EDNRB: variants seen among roughly 807,000 people sequenced by gnomAD.
EDNRB encodes the protein Hirschsprung disease 2.
Under a neutral mutation model 46.4 loss-of-function variants are expected in EDNRB, and 18 were observed. The observed-to-expected ratio is 0.39, with a 90% confidence interval of 0.27 to 0.57. EDNRB has a LOEUF of 0.57. Among genes scored for constraint, EDNRB ranks in the 20% least tolerant of loss-of-function variants. The pLI, the probability that EDNRB is intolerant of heterozygous loss-of-function variation, is 0.61. For missense variants in EDNRB, 434 were observed against 537.5 expected (o/e 0.81, Z 1.90); for synonymous variants, 213 against 204.9 (o/e 1.04, Z -0.34).
chr13:77,896,215 A>G lies in EDNRB; in HGVS notation c.*1985T>C, dbSNP rs4885491. ...CATGATACTGACATGGAGAAGGAAA[A>G]GGTATCAGGATGTAAAAATTCAGTA... On this transcript the variant is annotated 3_prime_UTR_variant, in exon 7 of 7. Coordinates refer to ENST00000646607, the MANE Select transcript of EDNRB (RefSeq NM_001122659.3). 0.89 allele frequency: 217,240 copies of G among 242,920 alleles called. 97,219 individuals are homozygous for G. Among genetic ancestry groups the G allele is most frequent in the East Asian group, 0.98 (10,279 of 10,480 alleles). 15.0% of individuals were successfully genotyped at this position (242,920 alleles called of 1,614,324 possible).
chr13:77,946,962 A>G (rs1385482366), intron 1 of EDNRB, among the ~76,000 whole-genome samples: 1 of 152,214 alleles, frequency 6.6e-6, no homozygotes, highest in Non-Finnish European at 1.5e-5. Flanking sequence ...AAAATTTCAA[A>G]CAAGTCCTAT....
Position 77,897,395 on chromosome 13 carries a change from G to T in EDNRB, c.*805C>A. The T allele has an allele frequency of 2.0e-6, 2 of 985,232 alleles. No individual in the cohort carries two copies. Among genetic ancestry groups the T allele is most frequent in the Non-Finnish European group, 1.2e-6 (1 of 829,830 alleles). The allele number at this position is 985,232 out of a possible 1,614,324, so 61.0% of individuals were successfully genotyped here. On this transcript the variant is annotated 3_prime_UTR_variant, in exon 7 of 7. Transcript: ENST00000646607. Reference sequence around the variant, plus strand: ...TGACAGATTCAAAAAAGTCTTTTGGGATAGCCTTTCAAACATTCTATTTCT... The same window carrying T: ...TGACAGATTCAAAAAAGTCTTTTGGTATAGCCTTTCAAACATTCTATTTCT...
chr13:77,963,818 T>C (rs1453437948), intron 1 of EDNRB, among the ~76,000 whole-genome samples: 4 of 152,014 alleles, frequency 2.6e-5, no homozygotes, highest in African/African-American at 7.2e-5. Context: ...GAAACTACCA[T>C]CAGAGTAAAC....
Position 77,918,412 on chromosome 13 carries a change from C to A in EDNRB, c.162G>T (p.Trp54Cys), listed in dbSNP as rs1879928418. The change falls in exon 1 of 7, where the codon TGG (tryptophan) becomes TGT (cysteine). Residue 54 changes from tryptophan to cysteine, a missense_variant. Transcript: ENST00000646607. This position sits in a 1 kb window ranked among gnomAD's most constrained non-coding sequence, Gnocchi z 4.5. ...CCAGACTGGCGTTGGAACCCTTGGG[C>A]CATAAGGTCTTAGTGGGTGGCGTCA... ...EIMTPPTKTL[W>C]PKGSNASLAR... 1.3e-6 allele frequency: 2 copies of A among 1,592,186 alleles called. No individual in the cohort carries two copies.
intron 1 of EDNRB, among the ~76,000 whole-genome samples, chr13:77,930,487 A>G (rs1339947989): frequency 6.6e-6 from 1 of 152,206 alleles, no homozygotes; most frequent in African/African-American, 2.4e-5. Flanking sequence ...ATATTAATAA[A>G]CATTTATGAT....
chr13:77,941,726 A>G (rs1880754743), intron 1 of EDNRB, among the ~76,000 whole-genome samples: 1 of 152,222 alleles, frequency 6.6e-6, no homozygotes, highest in Non-Finnish European at 1.5e-5. Context: ...GGACAGTAGG[A>G]CAGGGACAGT....
At chr13:77,951,723 T>C (rs1881095680) in intron 1 of EDNRB, among the ~76,000 whole-genome samples, 1 of 152,162 alleles carries the variant, frequency 6.6e-6, no homozygotes, top group Admixed American at 6.5e-5. Context: ...GAAGTGATTC[T>C]AACCTCTCAA....
intron 1 of EDNRB, among the ~76,000 whole-genome samples, chr13:77,927,495 C>T (rs1483451279): frequency 6.6e-6 from 1 of 152,124 alleles, no homozygotes; most frequent in African/African-American, 2.4e-5. Flanking sequence ...GACAATTTGG[C>T]AAGAAAGTAG....
rs1455429720 is a variant in EDNRB at position 77,899,944 on chromosome 13, A to G, written c.1109T>C (p.Ile370Thr). The change falls in exon 6 of 7, where the codon ATT (isoleucine) becomes ACT (threonine). Residue 370 changes from isoleucine (I) to threonine (T), a missense_variant. Ile to Thr is a moderately conservative substitution (Grantham distance 89, BLOSUM62 -1). Coordinates refer to ENST00000646607, the MANE Select transcript of EDNRB (RefSeq NM_001122659.3). ...LLSFLLVLDY[I>T]GINMASLNSC... is the part of the protein sequence containing the mutation. The stretch of plus-strand genomic sequence containing the variant: ...ATTCAGTGAAGCCATGTTGATACCA[A>G]TATAGTCCAATACCAACAGAAAGCT... 5.6e-6 allele frequency: 9 copies of G among 1,611,858 alleles called. No individual in the cohort carries two copies. The highest frequency in any genetic ancestry group is 4.4e-5 in the South Asian group (4 of 91,046).
Position 77,907,598 on chromosome 13 carries a change from T to C in EDNRB, c.484-3991A>G, listed in dbSNP as rs186747979. Among the ~76,000 whole-genome samples, 11 of 152,156 alleles carry C rather than the reference T, an allele frequency of 7.2e-5. No individual in the cohort carries two copies. In the South Asian group the frequency reaches 1.2e-3, roughly 17 times the overall value. ...GAACCCTGACTAATCCCCCTAGTTA[T>C]TTTATTCAAATAATGTACAAACATT... On this transcript the variant is annotated intron_variant, in intron 1 of 6. Coordinates refer to ENST00000646607, the MANE Select transcript of EDNRB (RefSeq NM_001122659.3).
intron 1 of EDNRB, among the ~76,000 whole-genome samples, chr13:77,958,343 A>ATTTT (rs1473063815): frequency 3.7e-5 from 5 of 136,706 alleles, no homozygotes; most frequent in Non-Finnish European, 6.2e-5. Context: ...TTCCCAGGTT[A>ATTTT]TTTTATTTAT....
chr13:77,904,629 T>G (rs1296171878), intron 1 of EDNRB, among the ~76,000 whole-genome samples: 2 of 151,248 alleles, frequency 1.3e-5, no homozygotes, highest in Admixed American at 1.3e-4. Context: ...AGTGTGTATA[T>G]ATGTACACGT....
intron 1 of EDNRB, among the ~76,000 whole-genome samples, chr13:77,940,328 A>C (rs912132682): frequency 6.7e-6 from 1 of 150,074 alleles, no homozygotes; most frequent in Non-Finnish European, 1.5e-5. Context: ...GAAGAGTTTA[A>C]TTTTTTTTTT....
Position 77,898,205 on chromosome 13 carries a change from A to G in EDNRB, c.1324T>C (p.Ser442Pro). ...TACAGTGAATAGTTCTTCTTTCAAGATGAGCTGTATTTATTACTGGAACGG... is the reference window on the plus strand; with the variant it reads ...TACAGTGAATAGTTCTTCTTTCAAGGTGAGCTGTATTTATTACTGGAACGG... The part of the protein sequence containing the change: ...NFRSSNKYSS[S>P] The change falls in exon 7 of 7, where the codon TCT (serine) becomes CCT (proline). Residue 442 changes from serine (S) to proline (P), a missense_variant. Coordinates refer to ENST00000646607, the MANE Select transcript of EDNRB (RefSeq NM_001122659.3). The G allele has an allele frequency of 2.5e-6, 4 of 1,611,548 alleles. No homozygotes were observed. Among genetic ancestry groups the G allele is most frequent in the Non-Finnish European group, 3.4e-6 (4 of 1,178,560 alleles).
chr13:77,919,427 G>A (rs778874414), upstream of EDNRB: 6 of 1,612,494 alleles, frequency 3.7e-6, no homozygotes, highest in Non-Finnish European at 5.1e-6. Context: ...GATGCAGAGC[G>A]ACGAATGGAG....
At chr13:77,938,492 G>A (rs1313533382) in intron 1 of EDNRB, among the ~76,000 whole-genome samples, 2 of 151,972 alleles carry the variant, frequency 1.3e-5, no homozygotes, top group African/African-American at 4.8e-5. Context: ...AAGGGGTTGG[G>A]GGGTTCTTAC....
chr13:77,903,691 A>T, intron 1 of EDNRB, 84 bp from the exon 2 acceptor site: 1 of 1,141,018 alleles, frequency 8.8e-7, no homozygotes, highest in African/African-American at 1.5e-5. Flanking sequence ...AGTAATTAAC[A>T]TGCAGAGTAG....
chr13:77,958,564 T>A (rs1394261191), intron 1 of EDNRB, among the ~76,000 whole-genome samples: 1 of 151,988 alleles, frequency 6.6e-6, no homozygotes, highest in East Asian at 1.9e-4. Flanking sequence ...TCAGTAGAGA[T>A]GGGGTTTCAC....
intron 1 of EDNRB, among the ~76,000 whole-genome samples, chr13:77,943,819 C>CT (rs538158029): frequency 3.9e-5 from 6 of 151,938 alleles, no homozygotes; most frequent in East Asian, 1.9e-4. Flanking sequence ...GTGCCATATT[C>CT]TTTTTTTTAA....
Sources: gnomAD v4.1 joint callset for allele counts (sites outside exome capture counted in the v4.1 genomes callset) on GRCh38, gnomAD v4.1.1 for gene constraint, Gnocchi (gnomAD v3.1) non-coding constraint, MANE v1.5 for transcripts, NCBI Gene and HGNC (gene_info 2026-07-23, HGNC 2026-07-21) for gene names.